Variants in EPHA7 observed in about 807,000 individuals in gnomAD.
EPHA7 encodes the protein EPH receptor A7.
In EPHA7, 25 loss-of-function variants were observed where a neutral mutation model predicts 112.6. That is an observed-to-expected ratio of 0.22 (90% confidence interval 0.16 to 0.31). The LOEUF (loss-of-function observed/expected upper bound fraction) is 0.31, where lower values mean the gene tolerates loss of function less well. EPHA7 is among the 10% of genes least tolerant of loss of function. The probability of loss-of-function intolerance (pLI) is 1.00; values close to 1 mark genes in which losing one functional copy is unlikely to be tolerated. For missense variants in EPHA7, 962 were observed against 1,212.6 expected (o/e 0.79, Z 3.07); for synonymous variants, 437 against 406.5 (o/e 1.07, Z -0.90).
chr6:93,312,079 A>T lies in EPHA7; in HGVS notation c.1325-39657T>A, dbSNP rs144571066. Among the ~76,000 whole-genome samples, 210 of 152,276 alleles carry T rather than the reference A, an allele frequency of 1.4e-3. 1 individual carries two copies. The highest frequency in any genetic ancestry group is 4.7e-3 in the African/African-American group (195 of 41,546). ...ACACTAATAGAACACAGACAGAGTAAATTTAACATAATTTAAGGGCCCTAA... is the reference window on the plus strand; with the variant it reads ...ACACTAATAGAACACAGACAGAGTATATTTAACATAATTTAAGGGCCCTAA... On this transcript the variant is annotated intron_variant, in intron 5 of 16. Transcript: ENST00000369303.
chr6:93,289,855 T>C (rs961710692), intron 5 of EPHA7, among the ~76,000 whole-genome samples: 1 of 152,154 alleles, frequency 6.6e-6, no homozygotes, highest in Admixed American at 6.5e-5. Context: ...ATAGTGTCAA[T>C]TCCCTGAATT....
chr6:93,359,156 C>G (rs1229454362), intron 3 of EPHA7, among the ~76,000 whole-genome samples: 2 of 152,102 alleles, frequency 1.3e-5, no homozygotes, highest in Non-Finnish European at 2.9e-5. Context: ...TGCAATCACA[C>G]TAACACAGCA....
chr6:93,340,522 CT>C (rs1775087672), intron 5 of EPHA7, among the ~76,000 whole-genome samples: 1 of 151,686 alleles, frequency 6.6e-6, no homozygotes, highest in South Asian at 2.1e-4. Context: ...GGATTTTGTA[CT>C]TTTAGACTGG....
At chr6:93,387,118 C>CACAT (rs1777646109) in intron 3 of EPHA7, among the ~76,000 whole-genome samples, 1 of 151,978 alleles carries the variant, frequency 6.6e-6, no homozygotes, top group African/African-American at 2.4e-5. Flanking sequence ...TCTTTTCTAC[C>CACAT]ACATCACTAG....
At chr6:93,340,966 C>T (rs1479879950) in intron 5 of EPHA7, among the ~76,000 whole-genome samples, 1 of 151,860 alleles carries the variant, frequency 6.6e-6, no homozygotes, top group Non-Finnish European at 1.5e-5. Context: ...GGGCAAGAGG[C>T]AGAGATTCAT....
At chr6:93,328,426 T>C (rs1268560044) in intron 5 of EPHA7, among the ~76,000 whole-genome samples, 1 of 151,444 alleles carries the variant, frequency 6.6e-6, no homozygotes, top group Non-Finnish European at 1.5e-5. Context: ...GCTGAATAAA[T>C]ATCTTTGAAT....
intron 5 of EPHA7, among the ~76,000 whole-genome samples, chr6:93,316,533 T>C (rs1227042523): frequency 5.3e-5 from 8 of 152,154 alleles, no homozygotes; most frequent in Non-Finnish European, 7.4e-5. Flanking sequence ...TAACACTATT[T>C]CTGTGAAAAC....
chr6:93,413,181 T>C (rs1779059933), intron 2 of EPHA7, among the ~76,000 whole-genome samples: 1 of 151,998 alleles, frequency 6.6e-6, no homozygotes, highest in Admixed American at 6.5e-5. Context: ...ACATTTTTTT[T>C]AGTTAGGTAT....
chr6:93,297,729 C>T (rs1772746616), intron 5 of EPHA7, among the ~76,000 whole-genome samples: 1 of 152,112 alleles, frequency 6.6e-6, no homozygotes, highest in African/African-American at 2.4e-5. Flanking sequence ...CAGCTATTTA[C>T]TAAAAACAGG....
At chr6:93,287,782 C>G (rs1197312809) in intron 5 of EPHA7, among the ~76,000 whole-genome samples, 1 of 151,840 alleles carries the variant, frequency 6.6e-6, no homozygotes, top group African/African-American at 2.4e-5. Flanking sequence ...CTTTGCAAAC[C>G]CCTTCTCCTC....
rs930359353 is a variant in EPHA7 at position 93,356,903 on chromosome 6, C to T, written c.1138G>A (p.Val380Ile). 1.9e-6 allele frequency: 3 copies of T among 1,614,116 alleles called. No individual in the cohort carries two copies. The highest frequency in any genetic ancestry group is 1.7e-5 in the Admixed American group (1 of 60,004). The change falls in exon 5 of 17, where the codon GTT becomes ATT. Residue 380 changes from valine (V) to isoleucine (I), a missense_variant. Val to Ile is a conservative substitution (Grantham distance 29, BLOSUM62 3). Transcript: ENST00000369303. ...KRCSWEQGEC[V>I]PCGSNIGYMP... ...TATCCAATGTTACTCCCACAGGGAA[C>T]ACATTCGCCCTGCTCCCAACTGCAC...
intron 5 of EPHA7, among the ~76,000 whole-genome samples, chr6:93,323,198 T>G (rs1020048796): frequency 8.6e-5 from 13 of 151,610 alleles, no homozygotes; most frequent in Non-Finnish European, 1.6e-4. Context: ...ATAAGCAGAC[T>G]GTATTAATCA....
At chr6:93,284,174 C>A (rs1771934712) in intron 5 of EPHA7, among the ~76,000 whole-genome samples, 1 of 152,024 alleles carries the variant, frequency 6.6e-6, no homozygotes, top group Non-Finnish European at 1.5e-5. Flanking sequence ...TATTTTATTT[C>A]TCTCCTTTTT....
chr6:93,346,020 C>T (rs918628154), intron 5 of EPHA7, among the ~76,000 whole-genome samples: 1 of 151,692 alleles, frequency 6.6e-6, no homozygotes, highest in African/African-American at 2.4e-5. Context: ...TAAAGACAAT[C>T]TCCTATCTTT....
rs944834144 is a variant in EPHA7, at chr6:93,351,298, A to T, written c.1324+5419T>A. 3.2e-4 allele frequency among the ~76,000 whole-genome samples: 49 copies of T among 152,134 alleles called. 1 individual carries two copies. Among genetic ancestry groups the T allele is most frequent in the Non-Finnish European group, 2.9e-5 (2 of 67,972 alleles). The stretch of plus-strand genomic sequence containing the variant: ...CTGATGATTCCAATGAGACCCCATC[A>T]CAGCTCAGCCCTGCTCTGCTTGGTC... On this transcript the variant is annotated intron_variant, in intron 5 of 16. Coordinates refer to ENST00000369303, the MANE Select transcript of EPHA7 (RefSeq NM_004440.4).
chr6:93,288,854 A>C (rs1433646899), intron 5 of EPHA7, among the ~76,000 whole-genome samples: 1 of 152,234 alleles, frequency 6.6e-6, no homozygotes. Flanking sequence ...ATATCTTTTT[A>C]TAACACTTTA....
At chr6:93,382,001 A>G (rs1334158497) in intron 3 of EPHA7, among the ~76,000 whole-genome samples, 1 of 152,206 alleles carries the variant, frequency 6.6e-6, no homozygotes, top group African/African-American at 2.4e-5. Flanking sequence ...TCCAAATACC[A>G]CTAAGAATTA....
chr6:93,245,871 G>C (rs1362371836), intron 15 of EPHA7, among the ~76,000 whole-genome samples: 2 of 152,106 alleles, frequency 1.3e-5, no homozygotes, highest in African/African-American at 2.4e-5. Context: ...AATGCCTGGG[G>C]AGTTAGAACA....
chr6:93,246,659 A>G, intron 15 of EPHA7, 133 bp downstream of exon 15: 1 of 663,350 alleles, frequency 1.5e-6, no homozygotes, highest in Admixed American at 2.9e-5. Context: ...ACTTCAGTAA[A>G]TGCAATACAT....
Sources: allele counts gnomAD v4.1 joint callset (sites outside exome capture counted in the v4.1 genomes callset), GRCh38; gene constraint gnomAD v4.1.1; transcripts MANE v1.5; gene names NCBI Gene and HGNC (gene_info 2026-07-23, HGNC 2026-07-21).